The following KCNJ15 variants were observed in gnomAD, a reference collection of about 807,000 sequenced individuals.
KCNJ15 encodes the protein ATP-sensitive inward rectifier potassium channel 15.
Under a neutral mutation model 23.0 loss-of-function variants are expected in KCNJ15, and 14 were observed. The ratio of observed to expected loss-of-function variants is 0.61; its 90% CI spans 0.40 to 0.95. KCNJ15 has a LOEUF of 0.95. KCNJ15 is among the 40% of genes least tolerant of loss of function. The pLI, the probability that KCNJ15 is intolerant of heterozygous loss-of-function variation, is 0.00. For missense variants in KCNJ15, 388 were observed against 461.8 expected, an observed-to-expected ratio of 0.84 and a Z score of 1.46; for synonymous variants, 185 against 183.2, an observed-to-expected ratio of 1.01 and a Z score of -0.08.
At chr21:38,281,820 T>C (rs1983376372) in intron 1 of KCNJ15, among the ~76,000 whole-genome samples, 1 of 152,126 alleles carries the variant, frequency 6.6e-6, no homozygotes, top group Non-Finnish European at 1.5e-5. Flanking sequence ...GACAGCTCTG[T>C]TTTAAGTTCT....
At chr21:38,298,477 T>C in intron 2 of KCNJ15, among the ~76,000 whole-genome samples, 1 of 152,206 alleles carries the variant, frequency 6.6e-6, no homozygotes, top group East Asian at 1.9e-4. Context: ...GATCAAGCCA[T>C]TAATAAAGCC....
intron 1 of KCNJ15, among the ~76,000 whole-genome samples, chr21:38,276,895 T>C (rs1430999415): frequency 6.6e-6 from 1 of 152,084 alleles, no homozygotes; most frequent in Non-Finnish European, 1.5e-5. Flanking sequence ...ATCAACTGCA[T>C]ACATATTTTA....
At chr21:38,287,772 G>T (rs112337764) in intron 1 of KCNJ15, among the ~76,000 whole-genome samples, 327 of 152,214 alleles carry the variant, frequency 2.1e-3, no homozygotes, top group Middle Eastern at 6.8e-3. Flanking sequence ...CTTAATTTTT[G>T]ATTGAATGTG....
intron 1 of KCNJ15, among the ~76,000 whole-genome samples, chr21:38,258,700 G>A (rs533204381): frequency 5.4e-4 from 82 of 152,304 alleles, no homozygotes; most frequent in African/African-American, 1.9e-3. Flanking sequence ...TGTGATTCTG[G>A]TTGCTTAAGG....
intron 1 of KCNJ15, among the ~76,000 whole-genome samples, chr21:38,292,965 T>G (rs1984771692): frequency 7.5e-6 from 1 of 133,228 alleles, no homozygotes; most frequent in South Asian, 2.2e-4. Flanking sequence ...TGAGATGCTG[T>G]CTCAAAAAAA....
At chr21:38,239,932 A>C (rs746053725) in intron 1 of KCNJ15, among the ~76,000 whole-genome samples, 7 of 152,246 alleles carry the variant, frequency 4.6e-5, no homozygotes, top group Non-Finnish European at 1.0e-4. Context: ...ACGTTAAAAC[A>C]TTAGAACAAG....
Position 38,293,598 on chromosome 21 carries a change from G to C in KCNJ15, c.-116-3328G>C, listed in dbSNP as rs78163646. On this transcript the variant is annotated intron_variant, in intron 1 of 2. Transcript: ENST00000398938. ...TCACTGAGAGGAAACTAGCTTCCAA[G>C]TGTGCTGTAATCTCAACTGGTGCTT... Among the ~76,000 whole-genome samples the C allele has an allele frequency of 6.0e-3, 921 of 152,314 alleles. 10 individuals are homozygous for C. Among genetic ancestry groups the C allele is most frequent in the African/African-American group, 0.021 (881 of 41,552 alleles).
intron 1 of KCNJ15, among the ~76,000 whole-genome samples, chr21:38,286,609 A>G (rs1375360694): frequency 6.6e-6 from 1 of 152,208 alleles, no homozygotes; most frequent in Admixed American, 6.5e-5. Flanking sequence ...ATGTCAAGAG[A>G]TTGTGTACGA....
intron 1 of KCNJ15, among the ~76,000 whole-genome samples, chr21:38,276,642 A>G (rs1471447065): frequency 6.6e-6 from 1 of 152,130 alleles, no homozygotes; most frequent in Non-Finnish European, 1.5e-5. Context: ...AACCTTTACA[A>G]CTAACCCCCA....
In KCNJ15 at chr21:38,288,026, C is replaced by T. The variant is rs369178829; in HGVS notation, c.-116-8900C>T. Among the ~76,000 whole-genome samples, 173 of 78,092 alleles carry T rather than the reference C, an allele frequency of 2.2e-3. 3 individuals are homozygous for T. Among genetic ancestry groups the T allele is most frequent in the South Asian group, 7.1e-3 (14 of 1,978 alleles). 51.2% of individuals were successfully genotyped at this position (78,092 alleles called of 152,430 possible). Reference sequence around the variant, plus strand: ...CCATTGTTAAATAACTTGTTTTTTTCTTTGTTTTTTTTTTTTTTTTTTTTT... The same window carrying T: ...CCATTGTTAAATAACTTGTTTTTTTTTTTGTTTTTTTTTTTTTTTTTTTTT... On this transcript the variant is annotated intron_variant, in intron 1 of 2. Coordinates refer to ENST00000398938, the MANE Select transcript of KCNJ15 (RefSeq NM_170736.3).
At chr21:38,294,718 A>T (rs1984965707) in intron 1 of KCNJ15, among the ~76,000 whole-genome samples, 2 of 151,992 alleles carry the variant, frequency 1.3e-5, no homozygotes, top group South Asian at 4.2e-4. Context: ...AGTTCTCCAT[A>T]TAGCTAAGTA....
At chr21:38,279,857 A>G (rs1165924411) in intron 1 of KCNJ15, among the ~76,000 whole-genome samples, 1 of 152,226 alleles carries the variant, frequency 6.6e-6, no homozygotes, top group Non-Finnish European at 1.5e-5. Context: ...GAAATAGGAC[A>G]TGGCACACAG....
intron 1 of KCNJ15, among the ~76,000 whole-genome samples, chr21:38,233,323 T>C (rs183846242): frequency 3.3e-4 from 51 of 152,252 alleles, no homozygotes; most frequent in African/African-American, 1.1e-3. Flanking sequence ...TCTTTTACTT[T>C]CAACTTATCC....
intron 1 of KCNJ15, among the ~76,000 whole-genome samples, chr21:38,279,624 G>A (rs1325943996): frequency 1.3e-5 from 2 of 152,140 alleles, no homozygotes; most frequent in Non-Finnish European, 2.9e-5. Context: ...GAGCTGAGAG[G>A]TTACTCTCTT....
intron 1 of KCNJ15, among the ~76,000 whole-genome samples, chr21:38,261,408 T>C (rs1052690379): frequency 3.9e-5 from 6 of 152,232 alleles, no homozygotes; most frequent in African/African-American, 1.4e-4. Flanking sequence ...CTCTGTGTCA[T>C]ACATAGTAAA....
chr21:38,259,066 G>GACAT (rs1980598552), intron 1 of KCNJ15, among the ~76,000 whole-genome samples: 1 of 152,096 alleles, frequency 6.6e-6, no homozygotes, highest in African/African-American at 2.4e-5. Flanking sequence ...GAATAACAAT[G>GACAT]ACATACTCGT....
intron 1 of KCNJ15, among the ~76,000 whole-genome samples, chr21:38,262,681 A>G (rs1229709080): frequency 2.0e-5 from 3 of 150,274 alleles, no homozygotes; most frequent in African/African-American, 7.3e-5. Context: ...GACATCTGAC[A>G]TCTTTTTTTT....
chr21:38,245,583 AAG>A (rs536161029), intron 1 of KCNJ15, among the ~76,000 whole-genome samples: 179 of 150,370 alleles, frequency 1.2e-3, no homozygotes, highest in Non-Finnish European at 2.0e-3. Flanking sequence ...GAAAGAAAGA[AAG>A]AGAGAGAGAG....
intron 1 of KCNJ15, among the ~76,000 whole-genome samples, chr21:38,286,672 C>G (rs1056799863): frequency 6.6e-6 from 1 of 152,128 alleles, no homozygotes; most frequent in Non-Finnish European, 1.5e-5. Flanking sequence ...GTGATATTAC[C>G]AGAATTACTG....
Sources: gnomAD v4.1 joint callset for allele counts (sites outside exome capture counted in the v4.1 genomes callset) on GRCh38, gnomAD v4.1.1 for gene constraint, MANE v1.5 for transcripts, NCBI Gene and HGNC (gene_info 2026-07-23, HGNC 2026-07-21) for gene names.